The following ARMC9 variants were observed in gnomAD, a reference collection of about 807,000 sequenced individuals.
ARMC9 encodes lisH domain-containing protein ARMC9.
A neutral mutation model predicts 107.0 loss-of-function variants in ARMC9; 94 were observed. The observed-to-expected ratio is 0.88, with a 90% CI of 0.74 to 1.04. The LOEUF is 1.04. Ranked by LOEUF, ARMC9 falls within the 50% of genes least tolerant of loss-of-function variation. ARMC9 has a pLI of 0.00. For synonymous variants in ARMC9, 380 were observed against 396.9 expected (o/e 0.96, Z 0.51); for missense variants, 942 against 1,030.1 (o/e 0.91, Z 1.17).
chr2:231,369,141 G>T (rs1279995769), intron 23 of ARMC9, among the ~76,000 whole-genome samples: 9 of 152,168 alleles, frequency 5.9e-5, no homozygotes, highest in Admixed American at 5.9e-4. Flanking sequence ...AGGCTCCCAA[G>T]GTGTCAGGGA....
At chr2:231,234,325 G>A (rs1000849115) in intron 7 of ARMC9, among the ~76,000 whole-genome samples, 2 of 152,178 alleles carry the variant, frequency 1.3e-5, no homozygotes, top group African/African-American at 2.4e-5. Flanking sequence ...CCCACGGGGG[G>A]ATTCCAAGCA....
chr2:231,370,212 G>C, intron 24 of ARMC9, 87 bp downstream of exon 24: 2 of 1,375,910 alleles, frequency 1.5e-6, no homozygotes, highest in Non-Finnish European at 1.9e-6. Flanking sequence ...ATTTGGCCCC[G>C]TGCTCCTGTG....
intron 19 of ARMC9, among the ~76,000 whole-genome samples, chr2:231,308,078 A>T (rs1172760837): frequency 2.0e-5 from 3 of 152,218 alleles, no homozygotes; most frequent in African/African-American, 7.2e-5. Flanking sequence ...GTGGACACTC[A>T]CTGAAGATTT....
intron 15 of ARMC9, among the ~76,000 whole-genome samples, chr2:231,277,333 G>T (rs1432009482): frequency 6.6e-6 from 1 of 152,184 alleles, no homozygotes; most frequent in Non-Finnish European, 1.5e-5. Flanking sequence ...TGGGATGAAA[G>T]AAGCTTCTTT....
intron 19 of ARMC9, among the ~76,000 whole-genome samples, chr2:231,327,732 C>A (rs1172509621): frequency 6.6e-6 from 1 of 152,072 alleles, no homozygotes; most frequent in Non-Finnish European, 1.5e-5. Context: ...TGCATGTTTA[C>A]CTCTTTAAGA....
At chr2:231,288,351 T>A (rs60217395) in intron 17 of ARMC9, among the ~76,000 whole-genome samples, 22 of 152,298 alleles carry the variant, frequency 1.4e-4, no homozygotes, top group African/African-American at 5.1e-4. Context: ...GGGGGGCCTG[T>A]GAGTAATTTT....
chr2:231,282,008 G>A (rs775056332), intron 16 of ARMC9, 51 bp from the exon 17 acceptor site: 5 of 1,538,690 alleles, frequency 3.2e-6, no homozygotes, highest in African/African-American at 2.7e-5. Flanking sequence ...ATATAGAGTT[G>A]TGCAGTATTT....
intron 20 of ARMC9, among the ~76,000 whole-genome samples, chr2:231,339,097 A>G (rs2044322498): frequency 6.6e-6 from 1 of 152,208 alleles, no homozygotes; most frequent in South Asian, 2.1e-4. Flanking sequence ...TGGGAGGCCA[A>G]GGCGGGCAGA....
intron 19 of ARMC9, among the ~76,000 whole-genome samples, chr2:231,327,750 G>A (rs571407200): frequency 1.7e-4 from 26 of 152,222 alleles, no homozygotes; most frequent in East Asian, 9.6e-4. Flanking sequence ...AGAAATTGCC[G>A]AAATGTAGTT....
intron 9 of ARMC9, among the ~76,000 whole-genome samples, chr2:231,250,569 G>A (rs1349155751): frequency 6.6e-6 from 1 of 152,200 alleles, no homozygotes; most frequent in Admixed American, 6.5e-5. Context: ...TCCCAGAGGG[G>A]AGGGTAGACG....
rs1049259014 is a variant in ARMC9, at chr2:231,291,431, C to T, written c.1705C>T (p.Gln569Ter). The change falls in exon 18 of 25, where the codon CAG becomes TAG. Residue 569 changes from glutamine (Q) to a stop codon, truncating the protein, a stop_gained. Coordinates refer to ENST00000611582, the MANE Select transcript of ARMC9 (RefSeq NM_001352754.2). LOFTEE classifies it high-confidence loss of function. ...CCGCCAGATAGAATTCATCATCAAG[C>T]AGCTAAATTCCGGTCAGTTTGATGC... ...MIRQIEFIIKQLNSEELPDGV... is the reference protein window; with the variant it reads ...MIRQIEFIIK 1 of 1,613,104 alleles carries T rather than the reference C, an allele frequency of 6.2e-7. No homozygotes were observed. The highest frequency in any genetic ancestry group is 1.3e-5 in the African/African-American group (1 of 74,912).
At chr2:231,323,256 TG>T (rs1376825278) in intron 19 of ARMC9, among the ~76,000 whole-genome samples, 1 of 152,098 alleles carries the variant, frequency 6.6e-6, no homozygotes, top group Non-Finnish European at 1.5e-5. Flanking sequence ...AGGCCTGAGT[TG>T]GCATTCTCAG....
chr2:231,343,876 G>A (rs573577972), intron 20 of ARMC9, among the ~76,000 whole-genome samples: 1 of 151,416 alleles, frequency 6.6e-6, no homozygotes, highest in Admixed American at 6.6e-5. Context: ...TCCAGCCTGG[G>A]CAACATGGCA....
intron 20 of ARMC9, among the ~76,000 whole-genome samples, chr2:231,338,595 G>A (rs115454699): frequency 0.032 from 4,699 of 146,292 alleles, 258 homozygotes; most frequent in African/African-American, 0.11. Flanking sequence ...GCTGGAATGC[G>A]GTAGAGCAAA....
At chr2:231,316,595 G>A (rs1033865001) in intron 19 of ARMC9, among the ~76,000 whole-genome samples, 3 of 151,042 alleles carry the variant, frequency 2.0e-5, no homozygotes, top group African/African-American at 7.3e-5. Context: ...TTGAATTGAG[G>A]CGGAGGTTGC....
chr2:231,319,224 G>A (rs1050356795), intron 19 of ARMC9, among the ~76,000 whole-genome samples: 5 of 152,100 alleles, frequency 3.3e-5, no homozygotes, highest in Non-Finnish European at 7.4e-5. Flanking sequence ...GACTGGGCTG[G>A]GCTATTCCTG....
intron 20 of ARMC9, 69 bp from the exon 21 acceptor site, chr2:231,344,906 C>T (rs557162002): frequency 4.1e-6 from 6 of 1,467,844 alleles, no homozygotes; most frequent in South Asian, 3.4e-5. Context: ...TCAGTGTATT[C>T]TGCTTGACTT....
intron 19 of ARMC9, among the ~76,000 whole-genome samples, chr2:231,325,183 G>A (rs576300155): frequency 3.3e-5 from 5 of 152,246 alleles, no homozygotes; most frequent in East Asian, 3.9e-4. Context: ...CCTTGATTAC[G>A]CCACTGCTTT....
intron 24 of ARMC9, chr2:231,371,014 G>T (rs1375189891): frequency 2.2e-6 from 1 of 452,248 alleles, no homozygotes; most frequent in South Asian, 1.6e-5. Context: ...TGGGGAGCCA[G>T]GTTGGGACCC....
Sources: gnomAD v4.1 joint callset for allele counts (sites outside exome capture counted in the v4.1 genomes callset) on GRCh38, gnomAD v4.1.1 for gene constraint, MANE v1.5 for transcripts, NCBI Gene and HGNC (gene_info 2026-07-23, HGNC 2026-07-21) for gene names.